PCDH7: variants seen among roughly 807,000 people sequenced by gnomAD.
PCDH7 encodes the protein protocadherin-7.
PCDH7 carries 17 observed loss-of-function variants against 58.9 expected under a neutral mutation model. That is an observed-to-expected ratio of 0.29 (90% confidence interval 0.20 to 0.43). The LOEUF is 0.43. Ranked by LOEUF, PCDH7 falls within the 20% of genes least tolerant of loss-of-function variation. The pLI, the probability that PCDH7 is intolerant of heterozygous loss-of-function variation, is 1.00. For missense variants in PCDH7, 1,274 were observed against 1,441.0 expected, an observed-to-expected ratio of 0.88 and a Z score of 1.88; for synonymous variants, 664 against 616.4, an observed-to-expected ratio of 1.08 and a Z score of -1.14.
intron 1 of PCDH7, among the ~76,000 whole-genome samples, chr4:30,812,607 A>G (rs1176284717): frequency 6.6e-6 from 1 of 152,152 alleles, no homozygotes; most frequent in Non-Finnish European, 1.5e-5. Flanking sequence ...CATAAATCAA[A>G]ACTTTAATCT....
chr4:30,738,682 T>G (rs1168075624), intron 1 of PCDH7, among the ~76,000 whole-genome samples: 1 of 152,208 alleles, frequency 6.6e-6, no homozygotes, highest in African/African-American at 2.4e-5. Context: ...TTTCACAAAT[T>G]TAACAGTTCT....
At chr4:30,752,406 A>G (rs554810053) in intron 1 of PCDH7, among the ~76,000 whole-genome samples, 16 of 152,278 alleles carry the variant, frequency 1.1e-4, no homozygotes, top group African/African-American at 3.9e-4. Flanking sequence ...TTTCCAACAC[A>G]TCTCACACCC....
chr4:30,754,878 T>C (rs1719070478), intron 1 of PCDH7, among the ~76,000 whole-genome samples: 1 of 152,200 alleles, frequency 6.6e-6, no homozygotes, highest in Non-Finnish European at 1.5e-5. Context: ...CAATTTTATT[T>C]ATAATAGAGC....
intron 3 of PCDH7, among the ~76,000 whole-genome samples, chr4:31,141,715 A>T (rs555092448): frequency 1.7e-3 from 252 of 152,306 alleles, no homozygotes; most frequent in Non-Finnish European, 2.9e-3. Context: ...TCCAAAGTTT[A>T]GTAACTTACC....
At chr4:30,799,632 A>T (rs919551095) in intron 1 of PCDH7, among the ~76,000 whole-genome samples, 1 of 152,200 alleles carries the variant, frequency 6.6e-6, no homozygotes, top group Admixed American at 6.5e-5. Context: ...TTTCAGTGGG[A>T]ATATGGTCTT....
At chr4:30,783,872 G>A (rs920914074) in intron 1 of PCDH7, among the ~76,000 whole-genome samples, 2 of 152,116 alleles carry the variant, frequency 1.3e-5, no homozygotes, top group Admixed American at 6.6e-5. Flanking sequence ...TGGAAGCTGA[G>A]TGAGACACAG....
intron 3 of PCDH7, among the ~76,000 whole-genome samples, chr4:30,967,474 A>G (rs572706252): frequency 5.8e-4 from 88 of 152,278 alleles, no homozygotes; most frequent in Non-Finnish European, 1.2e-3. Context: ...TTAAAATTAT[A>G]GTTTATACTT....
chr4:30,954,266 C>G (rs1747631334), intron 3 of PCDH7, among the ~76,000 whole-genome samples: 1 of 152,224 alleles, frequency 6.6e-6, no homozygotes, highest in African/African-American at 2.4e-5. Context: ...ATGCCACATG[C>G]CTTTTTGCTG....
chr4:30,900,159 A>T (rs566611757), intron 1 of PCDH7, among the ~76,000 whole-genome samples: 2 of 152,194 alleles, frequency 1.3e-5, no homozygotes, highest in Non-Finnish European at 2.9e-5. Context: ...CTGTGATGTA[A>T]GTATTCCCAT....
chr4:30,978,111 A>G (rs1225715740), intron 3 of PCDH7, among the ~76,000 whole-genome samples: 1 of 152,208 alleles, frequency 6.6e-6, no homozygotes, highest in Non-Finnish European at 1.5e-5. Context: ...CAATTAATAG[A>G]GGAACATTCT....
intron 3 of PCDH7, among the ~76,000 whole-genome samples, chr4:31,088,842 TAG>T (rs1712835416): frequency 6.6e-6 from 1 of 152,112 alleles, no homozygotes; most frequent in East Asian, 1.9e-4. Flanking sequence ...ACCTACGTAG[TAG>T]AGTGTAATAA....
At chr4:31,137,234 A>T (rs1719709074) in intron 3 of PCDH7, among the ~76,000 whole-genome samples, 1 of 152,222 alleles carries the variant, frequency 6.6e-6, no homozygotes, top group Non-Finnish European at 1.5e-5. Context: ...AAAAAAGGAA[A>T]AAGTTCCTGC....
chr4:30,844,256 CTG>C (rs1254711260), intron 1 of PCDH7, among the ~76,000 whole-genome samples: 1 of 152,152 alleles, frequency 6.6e-6, no homozygotes, highest in African/African-American at 2.4e-5. Flanking sequence ...AAGAGTTTTC[CTG>C]TGTCATGTAA....
rs377288537 is a variant in PCDH7, at chr4:30,864,045, C to T, written c.71-56108C>T. Among the ~76,000 whole-genome samples, 19 of 152,198 alleles carry T rather than the reference C, an allele frequency of 1.2e-4. No individual in the cohort carries two copies. In the East Asian group the frequency reaches 1.4e-3, roughly 11 times the overall value. On this transcript the variant is annotated intron_variant, in intron 1 of 3. Coordinates refer to the PCDH7 transcript ENST00000509759. Reference sequence around the variant, plus strand: ...ACTTTAATCTGTGATTGGCTCAATACAGTGCACAAAAGACTGGCAGAGGAA... The same window carrying T: ...ACTTTAATCTGTGATTGGCTCAATATAGTGCACAAAAGACTGGCAGAGGAA...
intron 1 of PCDH7, among the ~76,000 whole-genome samples, chr4:30,777,084 C>A (rs1391009018): frequency 6.6e-6 from 1 of 152,052 alleles, no homozygotes; most frequent in Non-Finnish European, 1.5e-5. Flanking sequence ...GTGTAGTCTA[C>A]TTAAGAGAAC....
intron 3 of PCDH7, among the ~76,000 whole-genome samples, chr4:31,107,568 G>C (rs569246924): frequency 1.1e-4 from 16 of 152,284 alleles, no homozygotes; most frequent in African/African-American, 3.9e-4. Flanking sequence ...AGAGATGTCA[G>C]TATAATATTC....
chr4:30,855,080 C>T (rs1051218356), intron 1 of PCDH7, among the ~76,000 whole-genome samples: 118 of 152,242 alleles, frequency 7.8e-4, no homozygotes, highest in Middle Eastern at 3.4e-3. Flanking sequence ...AGGCTCATTG[C>T]TAATTTTCAG....
intron 1 of PCDH7, among the ~76,000 whole-genome samples, chr4:30,857,876 A>G (rs559775726): frequency 6.6e-6 from 1 of 152,270 alleles, no homozygotes; most frequent in African/African-American, 2.4e-5. Flanking sequence ...AATTCATTTT[A>G]ACAGAACTCT....
At chr4:30,872,873 C>A (rs1293765623) in intron 1 of PCDH7, among the ~76,000 whole-genome samples, 1 of 152,010 alleles carries the variant, frequency 6.6e-6, no homozygotes, top group Non-Finnish European at 1.5e-5. Context: ...TTTTAGCTTG[C>A]TTATGAGGAT....
Sources: allele counts gnomAD v4.1 joint callset (sites outside exome capture counted in the v4.1 genomes callset), GRCh38; gene constraint gnomAD v4.1.1; transcripts MANE v1.5; gene names NCBI Gene and HGNC (gene_info 2026-07-23, HGNC 2026-07-21).